COL19A1: variants seen among roughly 807,000 people sequenced by gnomAD.
COL19A1 encodes the protein collagen alpha-1(XIX) chain.
In COL19A1, 159 loss-of-function variants were observed where a neutral mutation model predicts 190.2. The observed-to-expected ratio is 0.84, with a 90% confidence interval of 0.73 to 0.95. The LOEUF (loss-of-function observed/expected upper bound fraction) is 0.95, where lower values mean the gene tolerates loss of function less well. COL19A1 is among the 40% of genes least tolerant of loss of function. The probability of loss-of-function intolerance (pLI) is 0.00; values close to 1 mark genes in which losing one functional copy is unlikely to be tolerated. For missense variants in COL19A1, 1,418 were observed against 1,431.9 expected (o/e 0.99, Z 0.16); for synonymous variants, 509 against 458.9 (o/e 1.11, Z -1.39).
At chr6:70,020,423 A>G (rs1249986576) in intron 11 of COL19A1, among the ~76,000 whole-genome samples, 1 of 151,958 alleles carries the variant, frequency 6.6e-6, no homozygotes, top group Non-Finnish European at 1.5e-5. Flanking sequence ...ATCTAAGTTC[A>G]CCTATATTTT....
chr6:69,960,145 C>A, intron 10 of COL19A1, 105 bp downstream of exon 10: 1 of 1,142,170 alleles, frequency 8.8e-7, no homozygotes, highest in African/African-American at 1.6e-5. Context: ...TGAATTCACT[C>A]AAAGACTTTT....
At chr6:69,976,560 G>A (rs75460839) in intron 11 of COL19A1, among the ~76,000 whole-genome samples, 3,327 of 152,180 alleles carry the variant, frequency 0.022, 59 homozygotes, top group Non-Finnish European at 0.033. Context: ...AGTACATAAC[G>A]CTCCCTAGGA....
chr6:69,871,809 A>AT lies in COL19A1; in HGVS notation c.-33+5192dup, dbSNP rs556851857. Among the ~76,000 whole-genome samples, 460 of 110,340 alleles carry AT rather than the reference A, an allele frequency of 4.2e-3. 1 individual carries two copies. The highest frequency in any genetic ancestry group is 4.7e-3 in the East Asian group (18 of 3,852). 72.4% of individuals were successfully genotyped at this position (110,340 alleles called of 152,430 possible). A position where few individuals can be genotyped will look rare whatever the true frequency, so the allele number is the denominator to read the frequency against. The stretch of plus-strand genomic sequence containing the variant: ...GACCATCTTATTTAGCAAGTCCACC[A>AT]TTTTTTTTTTTTTTTTTTTTTTTGA... On this transcript the variant is annotated intron_variant, in intron 1 of 50. Coordinates refer to ENST00000620364, the MANE Select transcript of COL19A1 (RefSeq NM_001858.6).
At chr6:69,873,605 T>C (rs1767964513) in intron 1 of COL19A1, among the ~76,000 whole-genome samples, 1 of 152,226 alleles carries the variant, frequency 6.6e-6, no homozygotes, top group Non-Finnish European at 1.5e-5. Flanking sequence ...AGAAAGCATA[T>C]TATTTTTTAT....
At chr6:70,200,664 C>T (rs1767491710) in intron 49 of COL19A1, among the ~76,000 whole-genome samples, 1 of 152,204 alleles carries the variant, frequency 6.6e-6, no homozygotes, top group South Asian at 2.1e-4. Flanking sequence ...GTTTTTCTGT[C>T]ACCAGTTTCC....
intron 2 of COL19A1, among the ~76,000 whole-genome samples, chr6:69,898,577 G>A (rs567399973): frequency 4.2e-4 from 64 of 152,194 alleles, no homozygotes; most frequent in African/African-American, 1.5e-3. Flanking sequence ...TTGAATTAAA[G>A]TTGTGATAAA....
chr6:69,960,605 A>G (rs1196026267), intron 10 of COL19A1, among the ~76,000 whole-genome samples: 2 of 148,578 alleles, frequency 1.3e-5, no homozygotes. Flanking sequence ...AACAAGATGA[A>G]CTTCCTTTGT....
intron 50 of COL19A1, 36 bp downstream of exon 50, chr6:70,207,014 C>T: frequency 6.2e-7 from 1 of 1,609,108 alleles, no homozygotes; most frequent in Non-Finnish European, 8.5e-7. Context: ...ACAAGCAAGC[C>T]TTTACAAATT....
At chr6:70,034,862 T>C (rs1779265832) in intron 13 of COL19A1, among the ~76,000 whole-genome samples, 1 of 152,206 alleles carries the variant, frequency 6.6e-6, no homozygotes, top group African/African-American at 2.4e-5. Flanking sequence ...GCAATGCATT[T>C]TGTTCTCCAT....
chr6:69,917,985 G>T (rs183982764), intron 4 of COL19A1, among the ~76,000 whole-genome samples: 1 of 152,224 alleles, frequency 6.6e-6, no homozygotes, highest in East Asian at 1.9e-4. Flanking sequence ...TCCCAGGAGA[G>T]GAAACAGGAA....
intron 35 of COL19A1, among the ~76,000 whole-genome samples, chr6:70,162,298 T>A (rs1402532732): frequency 1.6e-5 from 2 of 125,848 alleles, no homozygotes; most frequent in Admixed American, 7.9e-5. Context: ...CACCACAAAC[T>A]GAGAATTTAT....
Position 69,982,145 on chromosome 6 carries a change from G to T in COL19A1, c.1026+19275G>T, listed in dbSNP as rs113710602. Among the ~76,000 whole-genome samples the T allele has an allele frequency of 6.7e-3, 1,018 of 152,200 alleles. 16 individuals are homozygous for T. The highest frequency in any genetic ancestry group is 0.023 in the African/African-American group (964 of 41,546). On this transcript the variant is annotated intron_variant, in intron 11 of 50. Transcript: ENST00000620364. ...AGAAAAAAAGAGGGGGAGTTAAGAA[G>T]AATAATTCTGTTCTGATGCATTGGT...
At chr6:70,069,117 C>A (rs775359879) in intron 15 of COL19A1, among the ~76,000 whole-genome samples, 1 of 151,976 alleles carries the variant, frequency 6.6e-6, no homozygotes, top group East Asian at 1.9e-4. Context: ...TTTAAAGTCT[C>A]AAAAAATCTT....
chr6:69,929,825 T>C (rs1266425808), intron 6 of COL19A1, 125 bp downstream of exon 6: 5 of 906,108 alleles, frequency 5.5e-6, no homozygotes, highest in East Asian at 5.6e-5. Flanking sequence ...ATTAATTTAA[T>C]TAATTTGCCG....
intron 2 of COL19A1, among the ~76,000 whole-genome samples, chr6:69,891,510 G>A (rs1158183216): frequency 6.6e-6 from 1 of 152,170 alleles, no homozygotes; most frequent in African/African-American, 2.4e-5. Flanking sequence ...AGGGGAGCAG[G>A]CATGCCTGGT....
chr6:70,089,204 A>T (rs141023586), intron 15 of COL19A1, among the ~76,000 whole-genome samples: 111 of 152,266 alleles, frequency 7.3e-4, no homozygotes, highest in African/African-American at 2.5e-3. Flanking sequence ...ATACTTTATT[A>T]TGTGTAAGAA....
intron 9 of COL19A1, among the ~76,000 whole-genome samples, chr6:69,955,157 C>G (rs1246647796): frequency 6.6e-6 from 1 of 152,010 alleles, no homozygotes; most frequent in African/African-American, 2.4e-5. Context: ...AAGTGAAAAG[C>G]CCAAACATTT....
chr6:69,879,760 C>A, intron 2 of COL19A1, 102 bp downstream of exon 2: 2 of 955,708 alleles, frequency 2.1e-6, no homozygotes, highest in Non-Finnish European at 3.2e-6. Context: ...GATTAATGTA[C>A]TATAACAGAA....
intron 11 of COL19A1, among the ~76,000 whole-genome samples, chr6:70,007,460 A>G (rs537246585): frequency 1.3e-5 from 2 of 152,166 alleles, no homozygotes; most frequent in South Asian, 4.1e-4. Flanking sequence ...CTCTATGACA[A>G]GTGACATTAT....
Sources: gnomAD v4.1 joint callset for allele counts (sites outside exome capture counted in the v4.1 genomes callset) on GRCh38, gnomAD v4.1.1 for gene constraint, MANE v1.5 for transcripts, NCBI Gene and HGNC (gene_info 2026-07-23, HGNC 2026-07-21) for gene names.